Variants in UBAC2 observed in about 807,000 individuals in gnomAD.
UBAC2 encodes the protein ubiquitin-associated domain-containing protein 2.
UBAC2 carries 26 observed loss-of-function variants against 44.0 expected under a neutral mutation model. That is an observed-to-expected ratio of 0.59 (90% confidence interval 0.43 to 0.82). The LOEUF is 0.82. Among genes scored for constraint, UBAC2 ranks in the 40% least tolerant of loss-of-function variants. The pLI is 0.00. For synonymous variants in UBAC2, 155 were observed against 154.3 expected, an observed-to-expected ratio of 1.00 and a Z score of -0.04; for missense variants, 329 against 419.4, an observed-to-expected ratio of 0.78 and a Z score of 1.88.
At chr13:99,212,286 G>T (rs1283779775) in intron 1 of UBAC2, among the ~76,000 whole-genome samples, 1 of 152,138 alleles carries the variant, frequency 6.6e-6, no homozygotes, top group Non-Finnish European at 1.5e-5. Context: ...TTGTGAAATG[G>T]TACTATGAGG....
chr13:99,313,439 A>T (rs1327240423), intron 4 of UBAC2: 1 of 152,370 alleles, frequency 6.6e-6, no homozygotes, highest in African/African-American at 2.4e-5. Flanking sequence ...GAAGGTGTCA[A>T]ATTGACATTC....
At chr13:99,294,967 A>T (rs1180931240) in intron 4 of UBAC2, 2 of 1,397,638 alleles carry the variant, frequency 1.4e-6, no homozygotes, top group Non-Finnish European at 1.9e-6. Context: ...AAGAATACTA[A>T]TTGGAAGCTG....
chr13:99,288,075 A>G (rs1204551170), intron 4 of UBAC2, among the ~76,000 whole-genome samples: 1 of 152,214 alleles, frequency 6.6e-6, no homozygotes, highest in Non-Finnish European at 1.5e-5. Flanking sequence ...GCTGCCCTCA[A>G]GCAATAAGAA....
chr13:99,338,791 G>T (rs1283667380), intron 6 of UBAC2, among the ~76,000 whole-genome samples: 2 of 152,164 alleles, frequency 1.3e-5, no homozygotes, highest in Non-Finnish European at 2.9e-5. Flanking sequence ...ACATCCAGTG[G>T]CTAGTTCTGT....
At chr13:99,346,534 C>T (rs191392457) in intron 7 of UBAC2, among the ~76,000 whole-genome samples, 27 of 152,360 alleles carry the variant, frequency 1.8e-4, no homozygotes, top group Admixed American at 1.4e-3. Context: ...AACTGCTGCT[C>T]ATATTGTTTC....
chr13:99,367,793 A>G lies in UBAC2; in HGVS notation c.814A>G (p.Met272Val), dbSNP rs780172880. The change falls in exon 8 of 9, where the codon ATG (methionine) becomes GTG (valine). Residue 272 changes from methionine (M) to valine (V), a missense_variant. Physicochemically the swap from Met to Val is conservative, Grantham distance 21 (BLOSUM62 1). Coordinates refer to ENST00000403766, the MANE Select transcript of UBAC2 (RefSeq NM_001144072.2). ...TGTGTTGATCTCTTTTTAGGGAGGAATGATCAATTGGAATCGTCTTTTTCC... is the reference window on the plus strand; with the variant it reads ...TGTGTTGATCTCTTTTTAGGGAGGAGTGATCAATTGGAATCGTCTTTTTCC... ...GRRQRQQQGG[M>V]INWNRLFPPL... The G allele has an allele frequency of 3.8e-5, 62 of 1,610,946 alleles. No individual in the cohort carries two copies. Among genetic ancestry groups the G allele is most frequent in the Non-Finnish European group, 4.8e-5 (57 of 1,178,784 alleles).
chr13:99,372,051 A>G (rs2045413398), intron 8 of UBAC2: 1 of 152,314 alleles, frequency 6.6e-6, no homozygotes, highest in Non-Finnish European at 1.5e-5. Context: ...ATGCCACCCC[A>G]GCCCCATTTA....
At chr13:99,286,534 A>G (rs1255329574) in intron 4 of UBAC2, among the ~76,000 whole-genome samples, 2 of 151,804 alleles carry the variant, frequency 1.3e-5, no homozygotes, top group African/African-American at 2.4e-5. Flanking sequence ...CGGGGGGTAC[A>G]TATGCAGGTT....
chr13:99,321,301 T>C (rs1412815726), intron 6 of UBAC2, among the ~76,000 whole-genome samples: 5 of 152,194 alleles, frequency 3.3e-5, no homozygotes, highest in Non-Finnish European at 5.9e-5. Flanking sequence ...GGTTGATTTA[T>C]TTTGTTTAGG....
intron 6 of UBAC2, 26 bp downstream of exon 6, chr13:99,318,095 C>A: frequency 1.3e-6 from 2 of 1,591,472 alleles, no homozygotes; most frequent in East Asian, 2.2e-5. Context: ...CTTTTACACC[C>A]AATTCTCTCT....
At chr13:99,296,770 G>A (rs1257423344) in intron 4 of UBAC2, among the ~76,000 whole-genome samples, 1 of 151,994 alleles carries the variant, frequency 6.6e-6, no homozygotes, top group Non-Finnish European at 1.5e-5. Context: ...AGAAGAAGAC[G>A]ACGACCGCAA....
At chr13:99,352,234 G>A (rs2045104269) in intron 7 of UBAC2, among the ~76,000 whole-genome samples, 1 of 152,186 alleles carries the variant, frequency 6.6e-6, no homozygotes, top group Non-Finnish European at 1.5e-5. Context: ...CCCCCTCGAA[G>A]TGTACAGTTC....
chr13:99,335,320 G>A (rs2044771809), intron 6 of UBAC2, among the ~76,000 whole-genome samples: 2 of 150,416 alleles, frequency 1.3e-5, no homozygotes, highest in South Asian at 4.2e-4. Context: ...CCTATTTTCT[G>A]TTTTATATCA....
At chr13:99,302,415 G>T (rs1224034968) in intron 4 of UBAC2, among the ~76,000 whole-genome samples, 2 of 152,184 alleles carry the variant, frequency 1.3e-5, no homozygotes, top group Non-Finnish European at 2.9e-5. Context: ...GCAAGCTGGG[G>T]CTGTTTCAGC....
chr13:99,298,208 A>C (rs1031350308), intron 4 of UBAC2, among the ~76,000 whole-genome samples: 1 of 152,170 alleles, frequency 6.6e-6, no homozygotes, highest in African/African-American at 2.4e-5. Context: ...AAGCTAACAG[A>C]ACTTGTACTG....
intron 4 of UBAC2, among the ~76,000 whole-genome samples, chr13:99,309,278 T>C (rs1010596874): frequency 6.6e-6 from 1 of 151,904 alleles, no homozygotes; most frequent in Non-Finnish European, 1.5e-5. Flanking sequence ...GCCCAGCTAA[T>C]TTTTGTATTT....
At chr13:99,254,840 G>T (rs752017507) in intron 4 of UBAC2, 1 of 1,539,494 alleles carries the variant, frequency 6.5e-7, no homozygotes, top group Non-Finnish European at 8.8e-7. Context: ...TTAGTGAAGT[G>T]AATTTTGATG....
intron 1 of UBAC2, chr13:99,215,592 G>T: frequency 7.4e-7 from 1 of 1,346,380 alleles, no homozygotes; most frequent in Non-Finnish European, 1.1e-6. Flanking sequence ...CAGGATGGCT[G>T]CGCTGTACAC....
intron 6 of UBAC2, among the ~76,000 whole-genome samples, chr13:99,336,740 CT>C (rs1240208706): frequency 1.3e-5 from 2 of 152,178 alleles, no homozygotes; most frequent in African/African-American, 4.8e-5. Flanking sequence ...TTAAAATTGC[CT>C]TGCCTTTTCT....
Sources: gnomAD v4.1 joint callset for allele counts (sites outside exome capture counted in the v4.1 genomes callset) on GRCh38, gnomAD v4.1.1 for gene constraint, MANE v1.5 for transcripts, NCBI Gene and HGNC (gene_info 2026-07-23, HGNC 2026-07-21) for gene names.